ADGRL2: variants seen among roughly 807,000 people sequenced by gnomAD.
ADGRL2 encodes the protein adhesion G protein-coupled receptor L2.
Under a neutral mutation model 157.4 loss-of-function variants are expected in ADGRL2, and 44 were observed. The ratio of observed to expected loss-of-function variants is 0.28; its 90% CI spans 0.22 to 0.36. The LOEUF (loss-of-function observed/expected upper bound fraction) is 0.36, where lower values mean the gene tolerates loss of function less well. Among genes scored for constraint, ADGRL2 ranks in the 10% least tolerant of loss-of-function variants. ADGRL2 has a pLI of 1.00. For missense variants in ADGRL2, 1,510 were observed against 1,768.9 expected (o/e 0.85, Z 2.63); for synonymous variants, 585 against 624.7 (o/e 0.94, Z 0.95).
At chr1:81,653,195 T>C (rs2082456949) in intron 3 of ADGRL2, among the ~76,000 whole-genome samples, 1 of 152,170 alleles carries the variant, frequency 6.6e-6, no homozygotes, top group Admixed American at 6.5e-5. Context: ...ACTTATTTTT[T>C]TACCTAATAT....
rs1371992408 is a variant in ADGRL2, at chr1:81,966,476, A to T, written c.2216A>T (p.Lys739Ile). Residue 739 changes from lysine (K) to isoleucine (I), a missense_variant, in exon 13 of 24, where the codon AAA becomes ATA. Around this residue, in one of 4 missense-constraint regions of ADGRL2, gnomAD observed 497 missense variants for 627.2 expected, o/e 0.79. Coordinates refer to ENST00000686636, the MANE Select transcript of ADGRL2 (RefSeq NM_001366006.2). ...CTTAGTACAGAAAATGCAACCATTA[A>T]ACTGGGTGCTGATTTTATTGGTCGT... ...QFLSTENATI[K>I]LGADFIGRNS... 2 of 1,614,028 alleles carry T rather than the reference A, an allele frequency of 1.2e-6. No individual in the cohort carries two copies. The highest frequency in any genetic ancestry group is 2.2e-5 in the South Asian group (2 of 91,074).
At chr1:81,520,399 T>C (rs1479168734) in intron 2 of ADGRL2, among the ~76,000 whole-genome samples, 1 of 151,706 alleles carries the variant, frequency 6.6e-6, no homozygotes, top group Non-Finnish European at 1.5e-5. Context: ...TACACACACA[T>C]ACTAACTTGA....
At chr1:81,666,630 C>A (rs188364046) in intron 3 of ADGRL2, among the ~76,000 whole-genome samples, 3 of 152,086 alleles carry the variant, frequency 2.0e-5, no homozygotes, top group Admixed American at 2.0e-4. Context: ...ATCTGTTTGG[C>A]GGCTCCTATG....
chr1:81,579,954 C>T (rs574792027), intron 2 of ADGRL2, among the ~76,000 whole-genome samples: 6 of 152,024 alleles, frequency 3.9e-5, no homozygotes, highest in South Asian at 4.1e-4. Context: ...GATACTGCAT[C>T]GTTAAGCATG....
At chr1:81,675,021 C>A (rs1008287687) in intron 3 of ADGRL2, among the ~76,000 whole-genome samples, 6 of 152,140 alleles carry the variant, frequency 3.9e-5, no homozygotes, top group Admixed American at 3.3e-4. Context: ...AGGCCAGGTG[C>A]AAGTATCTCA....
chr1:81,544,434 G>A (rs1326762079), intron 2 of ADGRL2, among the ~76,000 whole-genome samples: 1 of 151,866 alleles, frequency 6.6e-6, no homozygotes, highest in East Asian at 1.9e-4. Flanking sequence ...TTATGTCTTC[G>A]AATCTAGGAA....
At chr1:81,333,762 CA>C (rs35097540) in intron 1 of ADGRL2, among the ~76,000 whole-genome samples, 343 of 111,954 alleles carry the variant, frequency 3.1e-3, no homozygotes, top group East Asian at 6.1e-3. Context: ...GTTCCCTAAG[CA>C]AAAAAAAAAA....
In ADGRL2 at chr1:81,367,837, C is replaced by T. The variant is rs111573523; in HGVS notation, c.-302+61328C>T. Among the ~76,000 whole-genome samples the T allele has an allele frequency of 9.4e-3, 1,426 of 152,262 alleles. 25 individuals carry two copies. Among genetic ancestry groups the T allele is most frequent in the African/African-American group, 0.033 (1,357 of 41,556 alleles). ...AAAGTGCTGAGATTACAGATGTGAG[C>T]CACCAAGCCCAGCCTGATCTCATTC... On this transcript the variant is annotated intron_variant, in intron 1 of 24. Transcript: ENST00000370721.
chr1:81,650,907 C>T (rs949284012), intron 3 of ADGRL2, among the ~76,000 whole-genome samples: 2 of 152,258 alleles, frequency 1.3e-5, no homozygotes, highest in South Asian at 4.1e-4. Context: ...TTCCCTGCCC[C>T]CACCTCCATT....
chr1:81,923,885 A>T (rs2095045019), intron 3 of ADGRL2, among the ~76,000 whole-genome samples: 1 of 152,170 alleles, frequency 6.6e-6, no homozygotes, highest in African/African-American at 2.4e-5. Flanking sequence ...TGTTTGGGAA[A>T]TAATATAAAC....
chr1:81,534,965 G>A (rs2079698028), intron 2 of ADGRL2, among the ~76,000 whole-genome samples: 1 of 152,134 alleles, frequency 6.6e-6, no homozygotes, highest in Non-Finnish European at 1.5e-5. Context: ...ATCCATTTAA[G>A]TACCTTCCCT....
At chr1:81,917,544 T>C (rs1415445632) in intron 3 of ADGRL2, among the ~76,000 whole-genome samples, 1 of 152,226 alleles carries the variant, frequency 6.6e-6, no homozygotes, top group Non-Finnish European at 1.5e-5. Context: ...GATTTTGTAG[T>C]CTTTAACACA....
At chr1:81,661,272 T>C (rs1307343015) in intron 3 of ADGRL2, among the ~76,000 whole-genome samples, 2 of 152,204 alleles carry the variant, frequency 1.3e-5, no homozygotes, top group African/African-American at 4.8e-5. Flanking sequence ...GAAGGCAGAA[T>C]GAAGTTAAGT....
chr1:81,633,355 G>A (rs2148765834), intron 3 of ADGRL2, among the ~76,000 whole-genome samples: 1 of 152,008 alleles, frequency 6.6e-6, no homozygotes, highest in South Asian at 2.1e-4. Flanking sequence ...CAGCACTTTG[G>A]GAGGCTGAGG....
intron 3 of ADGRL2, among the ~76,000 whole-genome samples, chr1:81,688,501 T>C (rs1177980139): frequency 6.6e-6 from 1 of 152,194 alleles, no homozygotes; most frequent in Admixed American, 6.5e-5. Flanking sequence ...TCTAAAAGTG[T>C]CCATAGTTTC....
intron 1 of ADGRL2, among the ~76,000 whole-genome samples, chr1:81,703,731 A>AAGTTTC: frequency 6.6e-6 from 1 of 152,256 alleles, no homozygotes; most frequent in East Asian, 1.9e-4. Context: ...GGTTATTATA[A>AAGTTTC]AGTTTCACTT....
intron 1 of ADGRL2, among the ~76,000 whole-genome samples, chr1:81,352,516 A>T (rs1570698117): frequency 6.6e-6 from 1 of 152,292 alleles, no homozygotes; most frequent in East Asian, 1.9e-4. Context: ...TCTGGAGGAT[A>T]CTAGTTTAGG....
intron 2 of ADGRL2, among the ~76,000 whole-genome samples, chr1:81,837,672 T>C (rs952300903): frequency 6.6e-6 from 1 of 151,992 alleles, no homozygotes; most frequent in Non-Finnish European, 1.5e-5. Context: ...GTAATGAGTG[T>C]ATTTTTCAAG....
intron 2 of ADGRL2, among the ~76,000 whole-genome samples, chr1:81,779,601 C>T (rs2086732938): frequency 6.6e-6 from 1 of 151,906 alleles, no homozygotes; most frequent in South Asian, 2.1e-4. Flanking sequence ...ATTATGTTTC[C>T]CCTTTTACTA....
Sources: gnomAD v4.1 joint callset for allele counts (sites outside exome capture counted in the v4.1 genomes callset) on GRCh38, gnomAD v4.1.1 for gene constraint, gnomAD v4.1.1 regional missense constraint, MANE v1.5 for transcripts, NCBI Gene and HGNC (gene_info 2026-07-23, HGNC 2026-07-21) for gene names.